Variants in AUTS2 observed in about 807,000 individuals in gnomAD.
The protein encoded by AUTS2 is activator of transcription and developmental regulator AUTS2, also known as autism susceptibility gene 2 protein.
In AUTS2, 17 loss-of-function variants were observed where a neutral mutation model predicts 112.4. The observed-to-expected ratio is 0.15, with a 90% confidence interval of 0.10 to 0.23. AUTS2 has a LOEUF of 0.23. Ranked by LOEUF, AUTS2 falls within the 10% of genes least tolerant of loss-of-function variation. The probability of loss-of-function intolerance (pLI) is 1.00; values close to 1 mark genes in which losing one functional copy is unlikely to be tolerated. For synonymous variants in AUTS2, 751 were observed against 702.7 expected, an observed-to-expected ratio of 1.07 and a Z score of -1.09; for missense variants, 1,510 against 1,701.6, an observed-to-expected ratio of 0.89 and a Z score of 1.98.
chr7:70,567,011 C>G (rs1801737296), intron 5 of AUTS2, among the ~76,000 whole-genome samples: 1 of 152,186 alleles, frequency 6.6e-6, no homozygotes, highest in Non-Finnish European at 1.5e-5. Flanking sequence ...GGTGGAAAAG[C>G]ATTGGATCCC....
intron 5 of AUTS2, among the ~76,000 whole-genome samples, chr7:70,495,525 C>T (rs1192788406): frequency 6.6e-6 from 1 of 151,862 alleles, no homozygotes; most frequent in Non-Finnish European, 1.5e-5. Flanking sequence ...GAAACTCTTT[C>T]CGCCACCCTA....
At chr7:70,468,079 C>T (rs1052216482) in intron 5 of AUTS2, among the ~76,000 whole-genome samples, 6 of 152,064 alleles carry the variant, frequency 3.9e-5, no homozygotes, top group East Asian at 3.9e-4. Flanking sequence ...TGTTATTATG[C>T]GGTTGTTATT....
At chr7:70,520,999 A>G (rs995487236) in intron 5 of AUTS2, among the ~76,000 whole-genome samples, 4 of 152,020 alleles carry the variant, frequency 2.6e-5, no homozygotes, top group African/African-American at 9.7e-5. Flanking sequence ...TCTTCCTTGG[A>G]AGTTTCCCAC....
chr7:70,751,508 A>T (rs1045756342), intron 6 of AUTS2, among the ~76,000 whole-genome samples: 2 of 152,164 alleles, frequency 1.3e-5, no homozygotes, highest in African/African-American at 4.8e-5. Flanking sequence ...AAAATAAGCT[A>T]ACATTTTCCC....
At chr7:69,704,480 G>T (rs10244001) in intron 1 of AUTS2, among the ~76,000 whole-genome samples, 1 of 151,820 alleles carries the variant, frequency 6.6e-6, no homozygotes, top group Non-Finnish European at 1.5e-5. Flanking sequence ...GGATTTCATC[G>T]TGCTAACCAG....
intron 4 of AUTS2, among the ~76,000 whole-genome samples, chr7:70,347,683 C>T (rs1791556061): frequency 6.6e-6 from 1 of 152,132 alleles, no homozygotes; most frequent in South Asian, 2.1e-4. Context: ...AGCTGGCTTC[C>T]TAAAATCCAC....
chr7:69,709,701 C>T (rs1423373473), intron 1 of AUTS2, among the ~76,000 whole-genome samples: 1 of 152,172 alleles, frequency 6.6e-6, no homozygotes, highest in East Asian at 1.9e-4. Context: ...TTTCCTTCTC[C>T]TGAGTCTTTT....
chr7:70,787,009 A>G, intron 17 of AUTS2, 200 bp from the exon 18 acceptor site: 2 of 671,244 alleles, frequency 3.0e-6, no homozygotes, highest in Non-Finnish European at 5.2e-6. Flanking sequence ...AAAAGAAAAA[A>G]AAAAGCTGTG....
intron 5 of AUTS2, among the ~76,000 whole-genome samples, chr7:70,629,575 C>A (rs770555071): frequency 1.8e-4 from 27 of 152,084 alleles, no homozygotes; most frequent in Non-Finnish European, 3.2e-4. Flanking sequence ...CCCTTGCCAC[C>A]TCCCTTAGCA....
intron 2 of AUTS2, among the ~76,000 whole-genome samples, chr7:69,942,070 A>T (rs115662372): frequency 1.3e-5 from 2 of 152,174 alleles, no homozygotes; most frequent in African/African-American, 4.8e-5. Context: ...TTTGTATCTT[A>T]TGGTCATATT....
chr7:70,435,749 C>T lies in AUTS2; in HGVS notation c.661-3C>T. 2 of 1,614,086 alleles carry T rather than the reference C, an allele frequency of 1.2e-6. No homozygotes were observed. Among genetic ancestry groups the T allele is most frequent in the Non-Finnish European group, 1.7e-6 (2 of 1,179,982 alleles). ...ACCCTTATTCTCTTGTCTTCATTTT[C>T]AGTGTGACAGTGACAGTGACCAGGA... On this transcript the variant is annotated splice_polypyrimidine_tract_variant and splice_region_variant and intron_variant, in intron 4 of 18. Coordinates refer to ENST00000342771, the MANE Select transcript of AUTS2 (RefSeq NM_015570.4).
At chr7:70,359,189 A>G (rs1792143923) in intron 4 of AUTS2, among the ~76,000 whole-genome samples, 1 of 152,270 alleles carries the variant, frequency 6.6e-6, no homozygotes, top group Non-Finnish European at 1.5e-5. Context: ...TTATATTGAC[A>G]TAGTTTGAAC....
intron 1 of AUTS2, among the ~76,000 whole-genome samples, chr7:69,878,744 A>T (rs891747082): frequency 6.6e-6 from 1 of 152,202 alleles, no homozygotes; most frequent in African/African-American, 2.4e-5. Context: ...TAGGAAGAGC[A>T]TCAATTATGT....
chr7:69,599,291 T>A lies in AUTS2; in HGVS notation c.-363T>A, dbSNP rs1202671061. The A allele has an allele frequency of 1.6e-5, 3 of 184,866 alleles. No homozygotes were observed. In the East Asian group the frequency reaches 3.9e-4, roughly 24 times the overall value. The allele number at this position is 184,866 out of a possible 1,614,324, so 11.5% of individuals were successfully genotyped here. A position where few individuals can be genotyped will look rare whatever the true frequency, so the allele number is the denominator to read the frequency against. ...CAAAGCATTCCGCTATTCTGATTTA[T>A]TGCTTGCTTGGTGAGTTATTTTTTT... On this transcript the variant is annotated 5_prime_UTR_variant, in exon 1 of 19. In the 5' UTR this introduces an upstream ATG that the reference lacks. Transcript: ENST00000342771. The surrounding 1 kb of genome is among the most constrained non-coding windows in gnomAD (Gnocchi z 7.0).
Position 70,549,301 on chromosome 7 carries a change from G to T in AUTS2, c.690+113520G>T, listed in dbSNP as rs144310199. Among the ~76,000 whole-genome samples, 20 of 152,152 alleles carry T rather than the reference G, an allele frequency of 1.3e-4. No homozygotes were observed. The East Asian group carries it at 3.9e-3, about 29-fold the overall frequency. On this transcript the variant is annotated intron_variant, in intron 5 of 18. Coordinates refer to ENST00000342771, the MANE Select transcript of AUTS2 (RefSeq NM_015570.4). ...AGATTTTTCCGTGTACAGGATCATG[G>T]CATCTTGGAATAGAGACAGTTTTGC...
chr7:70,545,008 G>T (rs1198736618), intron 5 of AUTS2, among the ~76,000 whole-genome samples: 1 of 152,196 alleles, frequency 6.6e-6, no homozygotes, highest in African/African-American at 2.4e-5. Context: ...CCAGCATCCT[G>T]AGAAGCCTCG....
At chr7:69,631,226 C>T (rs539631505) in intron 1 of AUTS2, among the ~76,000 whole-genome samples, 10 of 151,758 alleles carry the variant, frequency 6.6e-5, no homozygotes, top group Non-Finnish European at 1.5e-4. Flanking sequence ...GGGTCAGTGA[C>T]CCATAAAAGG....
chr7:70,522,410 G>A (rs1352988912), intron 5 of AUTS2, among the ~76,000 whole-genome samples: 2 of 152,196 alleles, frequency 1.3e-5, no homozygotes, highest in Non-Finnish European at 2.9e-5. Context: ...ACCAGATACT[G>A]AGCAGAGTAC....
intron 1 of AUTS2, among the ~76,000 whole-genome samples, chr7:69,840,033 A>C (rs1791904589): frequency 1.3e-5 from 2 of 152,190 alleles, no homozygotes; most frequent in Admixed American, 6.6e-5. Context: ...CTCTAGACCC[A>C]GTGAGTCAGG....
Sources: allele counts gnomAD v4.1 joint callset (sites outside exome capture counted in the v4.1 genomes callset), GRCh38; gene constraint gnomAD v4.1.1; non-coding constraint Gnocchi (gnomAD v3.1); transcripts MANE v1.5; gene names NCBI Gene and HGNC (gene_info 2026-07-23, HGNC 2026-07-21).